C6: variants seen among roughly 807,000 people sequenced by gnomAD.
The protein encoded by C6 is complement C6, also known as complement component C6.
Under a neutral mutation model 112.9 loss-of-function variants are expected in C6, and 101 were observed. The ratio of observed to expected loss-of-function variants is 0.89; its 90% CI spans 0.76 to 1.06. The LOEUF is 1.06. C6 is among the 50% of genes least tolerant of loss of function. The probability of loss-of-function intolerance (pLI) is 0.00; values close to 1 mark genes in which losing one functional copy is unlikely to be tolerated. For missense variants in C6, 1,202 were observed against 1,104.6 expected, an observed-to-expected ratio of 1.09 and a Z score of -1.25; for synonymous variants, 431 against 384.1, an observed-to-expected ratio of 1.12 and a Z score of -1.43.
At chr5:41,148,509 T>C (rs1746065827) in intron 17 of C6, among the ~76,000 whole-genome samples, 1 of 152,178 alleles carries the variant, frequency 6.6e-6, no homozygotes, top group Non-Finnish European at 1.5e-5. Context: ...TCATACTGGC[T>C]TTCTAATTTC....
At position 41,149,319 on chromosome 5, in the gene C6, T is replaced by C. The variant is rs1235393519; in HGVS notation, c.2545A>G (p.Arg849Gly). 9 of 1,614,088 alleles carry C rather than the reference T, an allele frequency of 5.6e-6. No individual in the cohort carries two copies. The East Asian group carries it at 2.0e-4, about 36-fold the overall frequency. ...DGRQLEWGLE[R>G]TRLSSNSTKK... ...GTGCTGTTGGATGAAAGTCTTGTCC[T>C]TTCAAGACCCCATTCTAACTGGCGG... is the stretch of plus-strand genomic sequence containing the variant. The change falls in exon 17 of 18, where the codon AGG (arginine) becomes GGG (glycine). Residue 849 changes from arginine (R) to glycine (G), a missense_variant. Arg to Gly is a moderately radical substitution (Grantham distance 125, BLOSUM62 -2). Transcript: ENST00000337836.
intron 10 of C6, 148 bp downstream of exon 10, chr5:41,161,545 T>TA: frequency 4.2e-6 from 3 of 711,638 alleles, no homozygotes; most frequent in East Asian, 2.7e-5. Context: ...ATTTAACATT[T>TA]AAAAAAAGGT....
At chr5:41,219,317 C>G (rs1739023733) in intron 1 of C6, among the ~76,000 whole-genome samples, 1 of 152,068 alleles carries the variant, frequency 6.6e-6, no homozygotes, top group African/African-American at 2.4e-5. Context: ...GTAGGGTCAT[C>G]TAGATTTGTC....
In C6 at chr5:41,240,067, A is replaced by G. The variant is rs139426297; in HGVS notation, c.-21+21127T>C. On this transcript the variant is annotated intron_variant, in intron 1 of 17. Transcript: ENST00000263413. ...GTCTTTGACTTTTGACAGTTTGACT[A>G]TAATGTGTTAGGGAGGATCTTTGAG... 3.4e-3 allele frequency among the ~76,000 whole-genome samples: 520 copies of G among 152,264 alleles called. 3 individuals are homozygous for G. The highest frequency in any genetic ancestry group is 0.012 in the African/African-American group (504 of 41,548).
At chr5:41,175,203 A>C (rs886493545) in intron 8 of C6, among the ~76,000 whole-genome samples, 2 of 152,224 alleles carry the variant, frequency 1.3e-5, no homozygotes, top group Non-Finnish European at 2.9e-5. Flanking sequence ...CCATCCAGCC[A>C]GCCAGATCAG....
chr5:41,187,992 CA>C (rs1232554614), intron 5 of C6, among the ~76,000 whole-genome samples: 2 of 152,134 alleles, frequency 1.3e-5, no homozygotes, highest in Non-Finnish European at 2.9e-5. Context: ...TAGCAATGAA[CA>C]ATCCAAAAAT....
chr5:41,227,952 G>A (rs1739626761), intron 1 of C6, among the ~76,000 whole-genome samples: 1 of 151,988 alleles, frequency 6.6e-6, no homozygotes, highest in African/African-American at 2.4e-5. Context: ...GCTATTTGAG[G>A]CATTTTTGGT....
chr5:41,158,703 G>C lies in C6; in HGVS notation c.1939C>G (p.Pro647Ala). 6.2e-7 allele frequency: 1 copy of C among 1,609,412 alleles called. No homozygotes were observed. The highest frequency in any genetic ancestry group is 8.5e-7 in the Non-Finnish European group (1 of 1,175,878). The change falls in exon 13 of 18, where the codon CCA (proline) becomes GCA (alanine). Residue 647 changes from proline to alanine, a missense_variant. By Grantham distance (27) the Pro-to-Ala change is conservative. Transcript: ENST00000337836. ...EIEADSGCPQPVPPENGFIRN... is the reference protein window; with the variant it reads ...EIEADSGCPQAVPPENGFIRN... The stretch of plus-strand genomic sequence containing the variant: ...ATAAATCCATTTTCTGGAGGAACTG[G>C]CTGAGGACACCCGGAATCTGCTTCT...
Position 41,206,777 on chromosome 5 carries a change from G to A in C6, c.-20-3527C>T, listed in dbSNP as rs530333499. Among the ~76,000 whole-genome samples the A allele has an allele frequency of 9.6e-4, 146 of 152,292 alleles. 2 individuals are homozygous for A. In the South Asian group the frequency reaches 0.029, roughly 31 times the overall value. ...GGTGTACCTGAAAGTGACAGGGCGA[G>A]TGGAACCGAGTTGGAAAACACTCTG... On this transcript the variant is annotated intron_variant, in intron 1 of 17. Transcript: ENST00000337836.
chr5:41,174,367 T>G (rs1254823489), intron 8 of C6, among the ~76,000 whole-genome samples: 2 of 152,208 alleles, frequency 1.3e-5, no homozygotes, highest in African/African-American at 2.4e-5. Flanking sequence ...ATTTCAGTAA[T>G]GTCTTTAGCT....
intron 5 of C6, among the ~76,000 whole-genome samples, chr5:41,189,900 TATCCTCCAGGATC>T (rs1419850644): frequency 6.6e-6 from 1 of 152,188 alleles, no homozygotes; most frequent in African/African-American, 2.4e-5. Flanking sequence ...TTTCACTTAA[TATCCTCCAGGATC>T]ATCCATGTTT....
At chr5:41,221,452 G>A (rs572699303) in intron 1 of C6, among the ~76,000 whole-genome samples, 13 of 152,150 alleles carry the variant, frequency 8.5e-5, no homozygotes, top group Admixed American at 1.3e-4. Flanking sequence ...CTCCTGTGTC[G>A]TTTTCATGGG....
rs541702321 is a variant in C6 at position 41,239,668 on chromosome 5, A to G, written c.-21+21526T>C. Among the ~76,000 whole-genome samples the G allele has an allele frequency of 1.5e-3, 231 of 151,892 alleles. 2 individuals carry two copies. The highest frequency in any genetic ancestry group is 5.3e-3 in the African/African-American group (220 of 41,406). On this transcript the variant is annotated intron_variant, in intron 1 of 17. Coordinates refer to the C6 transcript ENST00000263413. ...ACCTATCATTATTTTATGTCTCTCT[A>G]TAAGTTTAATGATTTTTAGATCCCA...
intron 6 of C6, among the ~76,000 whole-genome samples, chr5:41,185,682 A>AT (rs1234074451): frequency 9.2e-5 from 14 of 152,274 alleles, no homozygotes; most frequent in East Asian, 1.9e-4. Flanking sequence ...AAAAAAGTCT[A>AT]TTTTTTGTGG....
At chr5:41,176,783 T>C (rs1338868963) in intron 7 of C6, 68 bp from the exon 8 acceptor site, 3 of 1,390,266 alleles carry the variant, frequency 2.2e-6, no homozygotes, top group Non-Finnish European at 2.0e-6. Context: ...AGCATTTAAA[T>C]GTCATTGATT....
At chr5:41,221,496 G>A (rs1302874410) in intron 1 of C6, among the ~76,000 whole-genome samples, 1 of 152,090 alleles carries the variant, frequency 6.6e-6, no homozygotes, top group African/African-American at 2.4e-5. Context: ...TGGGCTCAGG[G>A]AATATACATA....
intron 1 of C6, among the ~76,000 whole-genome samples, chr5:41,232,568 G>A (rs938270431): frequency 2.0e-5 from 3 of 152,056 alleles, no homozygotes; most frequent in East Asian, 1.9e-4. Context: ...GAAGTCATAC[G>A]AGGTTGTTTT....
chr5:41,184,694 A>G (rs1749631118), intron 6 of C6, among the ~76,000 whole-genome samples: 1 of 151,446 alleles, frequency 6.6e-6, no homozygotes, highest in Admixed American at 6.6e-5. Context: ...CTGGTCTTGA[A>G]CTCCTGACAC....
At chr5:41,215,914 A>T (rs1465652003), upstream of C6, among the ~76,000 whole-genome samples, 2 of 152,152 alleles carry the variant, frequency 1.3e-5, no homozygotes, top group African/African-American at 2.4e-5. Flanking sequence ...ATGCCAACTT[A>T]TCATTATAGC....
Sources: gnomAD v4.1 joint callset for allele counts (sites outside exome capture counted in the v4.1 genomes callset) on GRCh38, gnomAD v4.1.1 for gene constraint, MANE v1.5 for transcripts, NCBI Gene and HGNC (gene_info 2026-07-23, HGNC 2026-07-21) for gene names.